The following SLC8A1 variants were observed in gnomAD, a reference collection of about 807,000 sequenced individuals.
SLC8A1 encodes sodium/calcium exchanger 1.
A neutral mutation model predicts 68.3 loss-of-function variants in SLC8A1; 18 were observed. That is an observed-to-expected ratio of 0.26 (90% confidence interval 0.18 to 0.39). SLC8A1 has a LOEUF of 0.39. Ranked by LOEUF, SLC8A1 falls within the 10% of genes least tolerant of loss-of-function variation. SLC8A1 has a pLI of 1.00. For missense variants in SLC8A1, 985 were observed against 1,156.7 expected (o/e 0.85, Z 2.15); for synonymous variants, 475 against 415.5 (o/e 1.14, Z -1.74).
intron 5 of SLC8A1, 39 bp from the exon 9 acceptor site, chr2:40,160,903 G>T (rs549089833): frequency 1.4e-6 from 2 of 1,459,546 alleles, no homozygotes; most frequent in Admixed American, 1.7e-5. Context: ...TGCTGGGTTC[G>T]CTAAGGCCTC....
At chr2:40,158,110 C>T (rs1558563079) in intron 6 of SLC8A1, among the ~76,000 whole-genome samples, 2 of 152,082 alleles carry the variant, frequency 1.3e-5, no homozygotes, top group East Asian at 3.9e-4. Context: ...AATTGCATAG[C>T]AAAGAAACCT....
At chr2:40,427,932 T>C in intron 2 of SLC8A1, among the ~76,000 whole-genome samples, 1 of 152,156 alleles carries the variant, frequency 6.6e-6, no homozygotes, top group Admixed American at 6.5e-5. Context: ...CATTGGCATT[T>C]AAGCAGAAAC....
intron 6 of SLC8A1, among the ~76,000 whole-genome samples, chr2:40,144,819 C>A (rs2042158866): frequency 6.6e-6 from 1 of 152,058 alleles, no homozygotes; most frequent in African/African-American, 2.4e-5. Flanking sequence ...TTATCATATG[C>A]ATTTGAGATT....
intron 2 of SLC8A1, among the ~76,000 whole-genome samples, chr2:40,302,501 A>G (rs767943132): frequency 6.2e-4 from 93 of 149,858 alleles, no homozygotes; most frequent in African/African-American, 2.1e-3. Context: ...TATATCATAT[A>G]TGTGTGTGTA....
At chr2:40,253,139 A>G (rs2063220599) in intron 2 of SLC8A1, among the ~76,000 whole-genome samples, 1 of 104,136 alleles carries the variant, frequency 9.6e-6, no homozygotes, top group South Asian at 2.4e-4. Flanking sequence ...GTATATATGT[A>G]TATGTATATA....
At chr2:40,360,577 C>T (rs1413332453) in intron 2 of SLC8A1, among the ~76,000 whole-genome samples, 1 of 152,122 alleles carries the variant, frequency 6.6e-6, no homozygotes, top group Non-Finnish European at 1.5e-5. Context: ...TCTCAGCAAC[C>T]CTACAGGATA....
intron 2 of SLC8A1, among the ~76,000 whole-genome samples, chr2:40,413,606 T>C (rs552890288): frequency 1.3e-5 from 2 of 152,166 alleles, no homozygotes; most frequent in African/African-American, 4.8e-5. Context: ...CCCTCCAAAT[T>C]ATATGAAAGT....
chr2:40,437,402 A>G (rs991927398), intron 1 of SLC8A1, among the ~76,000 whole-genome samples: 2 of 152,124 alleles, frequency 1.3e-5, no homozygotes, highest in African/African-American at 4.8e-5. Context: ...AAGCACTTCT[A>G]TTCGTCACAT....
At chr2:40,147,171 A>G (rs1177290736) in intron 6 of SLC8A1, among the ~76,000 whole-genome samples, 2 of 152,214 alleles carry the variant, frequency 1.3e-5, no homozygotes, top group Non-Finnish European at 2.9e-5. Context: ...TGCAAGTTCG[A>G]TTATTACCAA....
intron 1 of SLC8A1, among the ~76,000 whole-genome samples, chr2:40,462,433 A>G (rs779050029): frequency 5.9e-5 from 9 of 152,122 alleles, no homozygotes; most frequent in Non-Finnish European, 1.2e-4. Flanking sequence ...CTAGTGTTAG[A>G]AAAATACCTA....
chr2:40,495,637 G>T (rs1047385531), intron 1 of SLC8A1, among the ~76,000 whole-genome samples: 2 of 152,008 alleles, frequency 1.3e-5, no homozygotes, highest in African/African-American at 4.8e-5. Flanking sequence ...TTGCACAACT[G>T]TTGATAGTGA....
intron 1 of SLC8A1, among the ~76,000 whole-genome samples, chr2:40,459,883 A>G (rs932166226): frequency 8.5e-5 from 13 of 152,244 alleles, no homozygotes; most frequent in Non-Finnish European, 5.9e-5. Flanking sequence ...ACTCTTCCAC[A>G]AACTCACATA....
chr2:40,421,086 A>C (rs925267159), intron 2 of SLC8A1, among the ~76,000 whole-genome samples: 10 of 152,044 alleles, frequency 6.6e-5, no homozygotes, highest in East Asian at 1.9e-4. Context: ...ACCACCACCA[A>C]CACCAAAAAT....
intron 2 of SLC8A1, among the ~76,000 whole-genome samples, chr2:40,381,040 C>G (rs1261011139): frequency 6.6e-6 from 1 of 152,006 alleles, no homozygotes; most frequent in Non-Finnish European, 1.5e-5. Context: ...GGTCAATTCC[C>G]CAAACCTCTT....
At chr2:40,099,040 C>A (rs2033739985) in exon 8 of SLC8A1, 1 of 151,974 alleles carries the variant, frequency 6.6e-6, no homozygotes, top group South Asian at 2.1e-4. Context: ...TTGTTTAGTG[C>A]ATTTTTTTGA....
intron 1 of SLC8A1, among the ~76,000 whole-genome samples, chr2:40,488,196 A>G (rs1705089596): frequency 6.6e-6 from 1 of 151,458 alleles, no homozygotes; most frequent in Admixed American, 6.6e-5. Flanking sequence ...CTTTTTCTAT[A>G]ACCACAAGGG....
intron 2 of SLC8A1, among the ~76,000 whole-genome samples, chr2:40,426,005 C>A (rs1696761792): frequency 6.6e-6 from 1 of 151,828 alleles, no homozygotes; most frequent in Admixed American, 6.6e-5. Flanking sequence ...TTCTAGAAAC[C>A]TTGTGTTTGA....
At position 40,368,542 on chromosome 2, in the gene SLC8A1, A is replaced by C. The variant is rs560399679; in HGVS notation, c.1808+59931T>G. On this transcript the variant is annotated intron_variant, in intron 2 of 7. Coordinates refer to ENST00000406785, the Ensembl canonical transcript of SLC8A1. ...GGATTTACTGATTTTATTTAAAAAA[A>C]CAGAATTATCTTCCTCTTATTAAAA... Among the ~76,000 whole-genome samples, 111 of 152,196 alleles carry C rather than the reference A, an allele frequency of 7.3e-4. 1 individual carries two copies. The highest frequency in any genetic ancestry group is 2.6e-3 in the African/African-American group (110 of 41,562).
At chr2:40,225,465 C>G (rs2058851983) in intron 2 of SLC8A1, among the ~76,000 whole-genome samples, 1 of 149,780 alleles carries the variant, frequency 6.7e-6, no homozygotes, top group South Asian at 2.1e-4. Flanking sequence ...TGGCATTTGT[C>G]CTATTCTCTT....
Sources: gnomAD v4.1 joint callset for allele counts (sites outside exome capture counted in the v4.1 genomes callset) on GRCh38, gnomAD v4.1.1 for gene constraint, MANE v1.5 for transcripts, NCBI Gene and HGNC (gene_info 2026-07-23, HGNC 2026-07-21) for gene names.